KHDRBS2: variants seen among roughly 807,000 people sequenced by gnomAD.
KHDRBS2 encodes the protein KH RNA binding domain containing, signal transduction associated 2.
A neutral mutation model predicts 44.3 loss-of-function variants in KHDRBS2; 26 were observed. That is an observed-to-expected ratio of 0.59 (90% CI 0.43 to 0.81). KHDRBS2 has a LOEUF of 0.81. Ranked by LOEUF, KHDRBS2 falls within the 40% of genes least tolerant of loss-of-function variation. The pLI is 0.00. For missense variants in KHDRBS2, 476 were observed against 433.1 expected, an observed-to-expected ratio of 1.10 and a Z score of -0.88; for synonymous variants, 194 against 151.1, an observed-to-expected ratio of 1.28 and a Z score of -2.08.
chr6:62,126,238 C>T (rs1438248170), intron 2 of KHDRBS2, among the ~76,000 whole-genome samples: 6 of 152,160 alleles, frequency 3.9e-5, no homozygotes, highest in Non-Finnish European at 8.8e-5. Flanking sequence ...CAGTGGTGGC[C>T]GTGGGGAGAG....
chr6:62,214,420 T>C (rs1295721080), intron 1 of KHDRBS2, among the ~76,000 whole-genome samples: 1 of 152,102 alleles, frequency 6.6e-6, no homozygotes, highest in Non-Finnish European at 1.5e-5. Flanking sequence ...GAGGATAAAA[T>C]TTCCTAGAAA....
chr6:62,154,672 T>A (rs1815976723), intron 2 of KHDRBS2, among the ~76,000 whole-genome samples: 2 of 152,048 alleles, frequency 1.3e-5, no homozygotes, highest in Non-Finnish European at 2.9e-5. Context: ...AGTTAAAAAA[T>A]CAAGGGAGCA....
chr6:61,756,819 G>T (rs1180036507), intron 6 of KHDRBS2, among the ~76,000 whole-genome samples: 1 of 152,180 alleles, frequency 6.6e-6, no homozygotes, highest in African/African-American at 2.4e-5. Context: ...AACATATTAA[G>T]CATCCCCAAA....
At chr6:62,231,678 T>C (rs1292088431) in intron 1 of KHDRBS2, among the ~76,000 whole-genome samples, 2 of 152,298 alleles carry the variant, frequency 1.3e-5, no homozygotes, top group African/African-American at 4.8e-5. Context: ...CAGCTGAAAA[T>C]AAATTGGTAA....
At chr6:61,775,353 C>T (rs1032561103) in intron 6 of KHDRBS2, among the ~76,000 whole-genome samples, 6 of 152,072 alleles carry the variant, frequency 3.9e-5, no homozygotes, top group Non-Finnish European at 8.8e-5. Context: ...GTCAAATTGT[C>T]CTTGTTTGCA....
At chr6:61,862,581 G>A (rs1292269145) in intron 6 of KHDRBS2, among the ~76,000 whole-genome samples, 1 of 151,876 alleles carries the variant, frequency 6.6e-6, no homozygotes, top group Non-Finnish European at 1.5e-5. Flanking sequence ...GACAGTCCTG[G>A]GGTTTTTGTC....
At chr6:61,971,822 A>G (rs772250358) in intron 4 of KHDRBS2, among the ~76,000 whole-genome samples, 2 of 152,060 alleles carry the variant, frequency 1.3e-5, no homozygotes, top group African/African-American at 2.4e-5. Flanking sequence ...TTACTATCCA[A>G]TCTGGTTTCC....
the KHDRBS2 span, among the ~76,000 whole-genome samples, chr6:61,640,674 A>G: frequency 7.9e-5 from 12 of 152,150 alleles, no homozygotes; most frequent in Admixed American, 7.9e-4. Context: ...TATCCTGAGA[A>G]TGACCAACAG....
At chr6:62,184,022 T>G (rs553412967) in intron 1 of KHDRBS2, among the ~76,000 whole-genome samples, 16 of 151,898 alleles carry the variant, frequency 1.1e-4, no homozygotes, top group African/African-American at 3.8e-4. Context: ...GCTTTTTTAG[T>G]TTCCAAGTAA....
chr6:62,058,858 C>T (rs1027075460), intron 2 of KHDRBS2, among the ~76,000 whole-genome samples: 1 of 151,526 alleles, frequency 6.6e-6, no homozygotes, highest in Non-Finnish European at 1.5e-5. Context: ...TTAGAATTAA[C>T]CATTAAAGCT....
intron 1 of KHDRBS2, among the ~76,000 whole-genome samples, chr6:62,215,064 G>A (rs1230674693): frequency 6.6e-6 from 1 of 151,842 alleles, no homozygotes; most frequent in African/African-American, 2.4e-5. Flanking sequence ...AAAGCTAACA[G>A]AGGTCTGTCT....
chr6:62,245,361 T>C lies in KHDRBS2; in HGVS notation c.91+40497A>G, dbSNP rs150184386. Among the ~76,000 whole-genome samples, 381 of 152,146 alleles carry C rather than the reference T, an allele frequency of 2.5e-3. 3 individuals are homozygous for C. Among genetic ancestry groups the C allele is most frequent in the African/African-American group, 8.4e-3 (349 of 41,514 alleles). ...AGTCCATGCAAAGAAAATCCTGGCT[T>C]CACTACTCAAAAAAAACCTTTGTGG... On this transcript the variant is annotated intron_variant, in intron 1 of 8. Transcript: ENST00000281156.
At chr6:62,253,126 A>C (rs922130749) in intron 1 of KHDRBS2, among the ~76,000 whole-genome samples, 4 of 152,022 alleles carry the variant, frequency 2.6e-5, no homozygotes, top group Non-Finnish European at 5.9e-5. Context: ...AGGCTTTATA[A>C]TTATTGTTTG....
Position 61,835,756 on chromosome 6 carries a change from T to TGA in KHDRBS2, c.810+58877_810+58878dup, listed in dbSNP as rs376717084. 8.2e-4 allele frequency among the ~76,000 whole-genome samples: 118 copies of TGA among 144,032 alleles called. 1 individual carries two copies. The highest frequency in any genetic ancestry group is 2.7e-3 in the South Asian group (12 of 4,498). 94.5% of individuals were successfully genotyped at this position (144,032 alleles called of 152,430 possible). ...GTGTGTGTGCATGAGAGAGAAAGAT[T>TGA]GAGAGAGAGAGAGAGAGACTTCTAA... On this transcript the variant is annotated intron_variant, in intron 6 of 8. Coordinates refer to ENST00000281156, the MANE Select transcript of KHDRBS2 (RefSeq NM_152688.4).
chr6:61,751,293 A>C (rs1353486893), intron 6 of KHDRBS2, among the ~76,000 whole-genome samples: 1 of 152,200 alleles, frequency 6.6e-6, no homozygotes, highest in East Asian at 1.9e-4. Context: ...TTCCTACATA[A>C]GGGATAATAT....
At chr6:61,639,005 A>C in the KHDRBS2 span, among the ~76,000 whole-genome samples, 7 of 152,090 alleles carry the variant, frequency 4.6e-5, no homozygotes, top group Non-Finnish European at 4.4e-5. Flanking sequence ...CATTCCTCTA[A>C]GTGGAGCATC....
At chr6:61,905,544 C>T (rs1392798949) in intron 4 of KHDRBS2, among the ~76,000 whole-genome samples, 1 of 152,112 alleles carries the variant, frequency 6.6e-6, no homozygotes, top group African/African-American at 2.4e-5. Flanking sequence ...CTTAGAAATT[C>T]AGATCTGGGT....
the KHDRBS2 span, among the ~76,000 whole-genome samples, chr6:61,659,460 TG>T: frequency 6.6e-6 from 1 of 151,844 alleles, no homozygotes; most frequent in Non-Finnish European, 1.5e-5. Flanking sequence ...TATACATTCA[TG>T]GGGTTCAAAT....
At chr6:61,559,985 G>A in the KHDRBS2 span, among the ~76,000 whole-genome samples, 2 of 152,056 alleles carry the variant, frequency 1.3e-5, no homozygotes, top group Admixed American at 1.3e-4. Flanking sequence ...AGCATTTCTT[G>A]TAGGACATGT....
Sources: gnomAD v4.1 joint callset for allele counts (sites outside exome capture counted in the v4.1 genomes callset) on GRCh38, gnomAD v4.1.1 for gene constraint, MANE v1.5 for transcripts, NCBI Gene and HGNC (gene_info 2026-07-23, HGNC 2026-07-21) for gene names.